Variants in NUBP2 observed in about 807,000 individuals in gnomAD.
NUBP2 encodes cytosolic Fe-S cluster assembly factor NUBP2.
A neutral mutation model predicts 24.9 loss-of-function variants in NUBP2; 23 were observed. The observed-to-expected ratio is 0.92, with a 90% CI of 0.66 to 1.31. The LOEUF is 1.31. NUBP2 is among the 50% of genes most tolerant of loss of function. NUBP2 has a pLI of 0.00. For synonymous variants in NUBP2, 186 were observed against 170.9 expected (o/e 1.09, Z -0.69); for missense variants, 403 against 386.5 (o/e 1.04, Z -0.36).
chr16:1,787,539 G>C, intron 3 of NUBP2, 138 bp from the exon 4 acceptor site: 1 of 1,160,000 alleles, frequency 8.6e-7, no homozygotes, highest in South Asian at 1.4e-5. Context: ...CCTCCCGAGA[G>C]CCTGTGATGG....
chr16:1,787,581 C>T (rs1250316553), intron 3 of NUBP2, 96 bp from the exon 4 acceptor site: 21 of 1,489,580 alleles, frequency 1.4e-5, no homozygotes, highest in Non-Finnish European at 1.9e-5. Flanking sequence ...TGATGGACTG[C>T]AGCCCCTCGG....
intron 3 of NUBP2, chr16:1,787,455 A>C: frequency 1.6e-6 from 1 of 615,048 alleles, no homozygotes; most frequent in Non-Finnish European, 2.8e-6. Flanking sequence ...CTCTGTGGGC[A>C]GGGGCCAGAC....
At position 1,788,259 on chromosome 16, in the gene NUBP2, C is replaced by T. The variant is rs778878981; in HGVS notation, c.670+52C>T. On this transcript the variant is annotated intron_variant, in intron 6 of 6. Coordinates refer to ENST00000262302, the MANE Select transcript of NUBP2 (RefSeq NM_012225.4). ...TCGCGGCCTCCCATTCCATCTCTGC[C>T]CTGGGCGGGTTTGACCTCCATGCCC... 36 of 1,429,254 alleles carry T rather than the reference C, an allele frequency of 2.5e-5. No individual in the cohort carries two copies. The African/African-American group carries it at 3.2e-4, about 13-fold the overall frequency. The allele number at this position is 1,429,254 out of a possible 1,614,324, so 88.5% of individuals were successfully genotyped here. A position where few individuals can be genotyped will look rare whatever the true frequency, so the allele number is the denominator to read the frequency against.
At chr16:1,783,608 G>A (rs1009839693) in intron 1 of NUBP2, 3 of 539,262 alleles carry the variant, frequency 5.6e-6, no homozygotes, top group South Asian at 8.0e-5. Context: ...TATCTTCTAA[G>A]AGACCTCGAG....
At chr16:1,785,097 G>A (rs1005863368) in intron 1 of NUBP2, 15 of 986,112 alleles carry the variant, frequency 1.5e-5, no homozygotes, top group Admixed American at 6.1e-5. Context: ...TGTCCACCAC[G>A]TGGAATGATC....
chr16:1,786,324 G>A (rs767426666), intron 1 of NUBP2: 16 of 580,754 alleles, frequency 2.8e-5, no homozygotes, highest in South Asian at 2.6e-4. Context: ...AGGGAGTGCC[G>A]TGGTCTTAGA....
At chr16:1,785,143 T>C (rs1896902794) in intron 1 of NUBP2, 2 of 991,090 alleles carry the variant, frequency 2.0e-6, no homozygotes, top group African/African-American at 3.5e-5. Flanking sequence ...CCGGGACTCA[T>C]TGTCCATGGA....
At position 1,783,030 on chromosome 16, in the gene NUBP2, G is replaced by T. The variant is rs1163806864; in HGVS notation, c.10G>T (p.Ala4Ser). Residue 4 changes from alanine (A) to serine (S), a missense_variant, in exon 1 of 7, where the codon GCG becomes TCG. Transcript: ENST00000262302. MEA[A>S]AEPGNLAGVR... ...TCCTGGAGGCGGCGGGATGGAGGCGGCGGCCGGTGAGTGGCGGGCCAGGGT... is the reference window on the plus strand; with the variant it reads ...TCCTGGAGGCGGCGGGATGGAGGCGTCGGCCGGTGAGTGGCGGGCCAGGGT... 2.2e-6 allele frequency: 3 copies of T among 1,368,410 alleles called. No individual in the cohort carries two copies. The highest frequency in any genetic ancestry group is 2.8e-6 in the Non-Finnish European group (3 of 1,055,522). 84.8% of individuals were successfully genotyped at this position (1,368,410 alleles called of 1,614,324 possible).
rs749249052 is a variant in NUBP2 at position 1,788,258 on chromosome 16, C to T, written c.670+51C>T. Reference sequence around the variant, plus strand: ...GTCGCGGCCTCCCATTCCATCTCTGCCCTGGGCGGGTTTGACCTCCATGCC... The same window carrying T: ...GTCGCGGCCTCCCATTCCATCTCTGTCCTGGGCGGGTTTGACCTCCATGCC... On this transcript the variant is annotated intron_variant, in intron 6 of 6. Coordinates refer to ENST00000262302, the MANE Select transcript of NUBP2 (RefSeq NM_012225.4). 56 of 1,430,398 alleles carry T rather than the reference C, an allele frequency of 3.9e-5. 1 individual carries two copies. The South Asian group carries it at 7.6e-4, about 19-fold the overall frequency. The allele number at this position is 1,430,398 out of a possible 1,614,324, so 88.6% of individuals were successfully genotyped here. A position where few individuals can be genotyped will look rare whatever the true frequency, so the allele number is the denominator to read the frequency against.
In NUBP2 at chr16:1,787,191, A is replaced by G. The variant is rs1236526440; in HGVS notation, c.334+236A>G. ...AGTGGGGTCTGCTGAGACCCTGGCC[A>G]TGGCATGCAGGGACCTGAGGCCCCA... is the stretch of plus-strand genomic sequence containing the variant. On this transcript the variant is annotated intron_variant, in intron 3 of 6. Transcript: ENST00000262302. 4 of 470,166 alleles carry G rather than the reference A, an allele frequency of 8.5e-6. No individual in the cohort carries two copies. The Admixed American group carries it at 1.5e-4, about 17-fold the overall frequency. 29.1% of individuals were successfully genotyped at this position (470,166 alleles called of 1,614,324 possible). A position where few individuals can be genotyped will look rare whatever the true frequency, so the allele number is the denominator to read the frequency against.
Position 1,786,581 on chromosome 16 carries a change from T to C in NUBP2, c.61T>C (p.Ser21Pro), listed in dbSNP as rs766746202. Residue 21 changes from serine to proline, a missense_variant, in exon 2 of 7, where the codon TCA (serine) becomes CCA (proline). Transcript: ENST00000262302. ...CGTCAGGCACATCATCCTGGTCCTC[T>C]CAGGAAAGGGGGGCGTTGGGAAAAG... is the stretch of plus-strand genomic sequence containing the variant. The part of the protein sequence containing the change: ...AGVRHIILVL[S>P]GKGGVGKSTI... 6.8e-6 allele frequency: 11 copies of C among 1,611,524 alleles called. No individual in the cohort carries two copies. The highest frequency in any genetic ancestry group is 1.1e-5 in the South Asian group (1 of 91,004).
intron 3 of NUBP2, chr16:1,787,353 C>A: frequency 2.2e-6 from 1 of 449,928 alleles, no homozygotes; most frequent in South Asian, 3.6e-5. Context: ...GCATCCACCA[C>A]GGAGAATGTG....
intron 1 of NUBP2, chr16:1,784,095 C>G: frequency 2.7e-6 from 2 of 744,344 alleles, no homozygotes; most frequent in Non-Finnish European, 3.2e-6. Context: ...TTGATAGAAG[C>G]TTTTTTTTTT....
chr16:1,783,015 G>T lies in NUBP2; in HGVS notation c.-6G>T. Reference sequence around the variant, plus strand: ...ACTGCAGCCGCGAGCTCCTGGAGGCGGCGGGATGGAGGCGGCGGCCGGTGA... The same window carrying T: ...ACTGCAGCCGCGAGCTCCTGGAGGCTGCGGGATGGAGGCGGCGGCCGGTGA... On this transcript the variant is annotated 5_prime_UTR_variant, in exon 1 of 7. Transcript: ENST00000262302. 4 of 1,388,988 alleles carry T rather than the reference G, an allele frequency of 2.9e-6. No homozygotes were observed. Among genetic ancestry groups the T allele is most frequent in the Non-Finnish European group, 3.7e-6 (4 of 1,066,868 alleles). 86.0% of individuals were successfully genotyped at this position (1,388,988 alleles called of 1,614,324 possible). A position where few individuals can be genotyped will look rare whatever the true frequency, so the allele number is the denominator to read the frequency against.
chr16:1,783,169 C>T lies in NUBP2; in HGVS notation c.16+133C>T, dbSNP rs1022082594. 3.4e-6 allele frequency: 4 copies of T among 1,187,266 alleles called. No homozygotes were observed. The East Asian group carries it at 1.5e-4, about 43-fold the overall frequency. The allele number at this position is 1,187,266 out of a possible 1,614,324, so 73.5% of individuals were successfully genotyped here. A position where few individuals can be genotyped will look rare whatever the true frequency, so the allele number is the denominator to read the frequency against. On this transcript the variant is annotated intron_variant, in intron 1 of 6. Transcript: ENST00000262302. ...CACCGGCCGGCGTGGCTGGGCCGGG[C>T]CAGAGGCCGCGGCGCGGGCATTTTC...
intron 1 of NUBP2, chr16:1,784,112 G>C: frequency 2.5e-6 from 2 of 797,674 alleles, no homozygotes; most frequent in Non-Finnish European, 3.0e-6. Flanking sequence ...TTTTTTTTGA[G>C]ACAGGGTCTT....
intron 1 of NUBP2, chr16:1,785,478 C>A: frequency 8.4e-7 from 1 of 1,190,140 alleles, no homozygotes; most frequent in Non-Finnish European, 1.1e-6. Context: ...GCAGTCAGGA[C>A]CCAGGCCTGA....
In NUBP2 at chr16:1,786,073, A is replaced by G. The variant is rs1048773701; in HGVS notation, c.17-464A>G. 7 of 1,029,734 alleles carry G rather than the reference A, an allele frequency of 6.8e-6. No homozygotes were observed. In the African/African-American group the frequency reaches 1.2e-4, roughly 17 times the overall value. 63.8% of individuals were successfully genotyped at this position (1,029,734 alleles called of 1,614,324 possible). Reference sequence around the variant, plus strand: ...CGAGAGCCGGGGACGCTGGTGTGTGACAACGCGTGGTTGTTGCCACCCACC... The same window carrying G: ...CGAGAGCCGGGGACGCTGGTGTGTGGCAACGCGTGGTTGTTGCCACCCACC... On this transcript the variant is annotated intron_variant, in intron 1 of 6. Transcript: ENST00000262302.
chr16:1,787,750 G>A lies in NUBP2; in HGVS notation c.408G>A (p.Gly136=), dbSNP rs918081062. Residue 136 remains glycine, a synonymous_variant, in exon 4 of 7, where the codon GGG becomes GGA. Coordinates refer to ENST00000262302, the MANE Select transcript of NUBP2 (RefSeq NM_012225.4). The part of the protein sequence containing the change: ...LDYLVVDTPP[G]TSDEHMATIE... Reference sequence around the variant, plus strand: ...ACCTGGTGGTGGACACGCCCCCGGGGACCTCCGATGAGCACATGGCCACCA... The same window carrying A: ...ACCTGGTGGTGGACACGCCCCCGGGAACCTCCGATGAGCACATGGCCACCA... 6.2e-7 allele frequency: 1 copy of A among 1,612,596 alleles called. No homozygotes were observed. Among genetic ancestry groups the A allele is most frequent in the Non-Finnish European group, 8.5e-7 (1 of 1,179,932 alleles).
Sources: gnomAD v4.1 joint callset for allele counts on GRCh38, gnomAD v4.1.1 for gene constraint, MANE v1.5 for transcripts, NCBI Gene and HGNC (gene_info 2026-07-23, HGNC 2026-07-21) for gene names.